FAHD1: variants seen among roughly 807,000 people sequenced by gnomAD.
FAHD1 encodes the protein oxaloacetate tautomerase FAHD1, mitochondrial.
FAHD1 carries 14 observed loss-of-function variants against 12.7 expected under a neutral mutation model. That is an observed-to-expected ratio of 1.10 (90% CI 0.73 to 1.72). The LOEUF is 1.72. Ranked by LOEUF, FAHD1 falls within the 40% of genes most tolerant of loss-of-function variation. FAHD1 has a pLI of 0.00. For missense variants in FAHD1, 351 were observed against 298.9 expected, an observed-to-expected ratio of 1.17 and a Z score of -1.29; for synonymous variants, 153 against 124.9, an observed-to-expected ratio of 1.22 and a Z score of -1.50.
intron 1 of FAHD1, among the ~76,000 whole-genome samples, chr16:1,834,657 G>T (rs1367939191): frequency 6.6e-6 from 1 of 152,258 alleles, no homozygotes; most frequent in Non-Finnish European, 1.5e-5. Context: ...CCGGGTGCTG[G>T]TGCAGTGGCT....
chr16:1,834,053 C>T lies in FAHD1; in HGVS notation c.628-3963C>T, dbSNP rs1488354047. 2.0e-5 allele frequency: 9 copies of T among 458,288 alleles called. No individual in the cohort carries two copies. The East Asian group carries it at 2.2e-4, about 11-fold the overall frequency. The allele number at this position is 458,288 out of a possible 1,614,324, so 28.4% of individuals were successfully genotyped here. On this transcript the variant is annotated intron_variant, in intron 1 of 2. Coordinates refer to the FAHD1 transcript ENST00000382666. Reference sequence around the variant, plus strand: ...AACTTGGGAGGAGACAAGGCAAAGACAGTAGGAGGCCTTCTAAGAAGGGAG... The same window carrying T: ...AACTTGGGAGGAGACAAGGCAAAGATAGTAGGAGGCCTTCTAAGAAGGGAG...
chr16:1,837,748 T>C (rs1404305021), intron 1 of FAHD1: 2 of 1,046,526 alleles, frequency 1.9e-6, no homozygotes, highest in Admixed American at 5.6e-5. Context: ...GAATAATAAA[T>C]ATATAGAATA....
chr16:1,834,253 G>A (rs373497793), intron 1 of FAHD1: 112 of 1,542,060 alleles, frequency 7.3e-5, no homozygotes, highest in Non-Finnish European at 8.3e-5. Context: ...ATGATAGACC[G>A]TTTTAAACAT....
intron 1 of FAHD1, chr16:1,837,664 A>G (rs59651420): frequency 0.18 from 94,457 of 534,596 alleles, 9,039 homozygotes; most frequent in South Asian, 0.27. Flanking sequence ...ATCCTTATGC[A>G]CATCTGGGAA....
downstream of FAHD1, among the ~76,000 whole-genome samples, chr16:1,830,116 G>A (rs1215606453): frequency 6.6e-6 from 1 of 152,228 alleles, no homozygotes; most frequent in Non-Finnish European, 1.5e-5. Flanking sequence ...ACCCGCCTGG[G>A]CGTCCCAAAG....
chr16:1,829,560 G>A (rs1898587124), downstream of FAHD1, among the ~76,000 whole-genome samples: 1 of 152,142 alleles, frequency 6.6e-6, no homozygotes, highest in South Asian at 2.1e-4. Flanking sequence ...AGACACTTAG[G>A]TATGCTGCAA....
exon 1 of FAHD1, chr16:1,827,670 G>A (rs760507332): frequency 1.2e-6 from 2 of 1,614,138 alleles, no homozygotes; most frequent in Non-Finnish European, 8.5e-7. Context: ...ACAAGCTGAA[G>A]CTCTGGCTCA....
At chr16:1,831,516 C>T (rs965137930), downstream of FAHD1, among the ~76,000 whole-genome samples, 2 of 152,164 alleles carry the variant, frequency 1.3e-5, no homozygotes, top group Non-Finnish European at 2.9e-5. Flanking sequence ...TTTTCTGACC[C>T]TCATAGAAGC....
At chr16:1,834,942 C>A (rs771078885) in intron 1 of FAHD1, among the ~76,000 whole-genome samples, 2 of 89,968 alleles carry the variant, frequency 2.2e-5, no homozygotes, top group Non-Finnish European at 4.6e-5. Context: ...TCCCCCCCAC[C>A]CCCCCCCACT....
exon 1 of FAHD1, chr16:1,827,556 G>A (rs1898512269): frequency 1.2e-6 from 2 of 1,613,430 alleles, no homozygotes; most frequent in East Asian, 2.2e-5. Flanking sequence ...GGGACGTGCA[G>A]GACGAGTGCA....
intron 2 of FAHD1, chr16:1,838,263 G>A (rs62038405): frequency 1.5e-5 from 6 of 411,838 alleles, no homozygotes; most frequent in African/African-American, 8.2e-5. Flanking sequence ...GCCTCCCAAA[G>A]TGGTAGGATT....
At chr16:1,828,333 C>T in exon 1 of FAHD1, 1 of 997,810 alleles carries the variant, frequency 1.0e-6, no homozygotes, top group Non-Finnish European at 1.2e-6. Flanking sequence ...TGCTATGCCT[C>T]AACTCATAGA....
exon 1 of FAHD1, chr16:1,828,298 C>T (rs1056091572): frequency 1.1e-6 from 1 of 913,258 alleles, no homozygotes; most frequent in African/African-American, 1.9e-5. Flanking sequence ...AAAAAAGAAA[C>T]CATTTATTTT....
At chr16:1,827,600 G>C (rs377760925) in exon 1 of FAHD1, 1 of 1,613,850 alleles carries the variant, frequency 6.2e-7, no homozygotes. Flanking sequence ...CTGGCGAAGA[G>C]CTTCACGGCG....
chr16:1,831,687 C>T (rs569672695), downstream of FAHD1, among the ~76,000 whole-genome samples: 6 of 152,238 alleles, frequency 3.9e-5, no homozygotes, highest in East Asian at 1.9e-4. Context: ...GCTACCAGCC[C>T]GTGGCCTGTT....
At chr16:1,832,552 G>A (rs533070937), downstream of FAHD1, among the ~76,000 whole-genome samples, 25 of 151,966 alleles carry the variant, frequency 1.6e-4, no homozygotes, top group African/African-American at 5.1e-4. Context: ...TTGGGAGGCC[G>A]AGGTGGGTGG....
downstream of FAHD1, among the ~76,000 whole-genome samples, chr16:1,831,987 T>C (rs1183909135): frequency 6.6e-6 from 1 of 151,994 alleles, no homozygotes; most frequent in Non-Finnish European, 1.5e-5. Flanking sequence ...CTCTACATCA[T>C]TGGCACTTGT....
exon 1 of FAHD1, chr16:1,827,911 T>A (rs1898533938): frequency 6.2e-7 from 1 of 1,609,078 alleles, no homozygotes; most frequent in Non-Finnish European, 8.5e-7. Context: ...TTGAGTTATT[T>A]CTTAACAAGT....
At chr16:1,833,662 A>T (rs1380179224), downstream of FAHD1, among the ~76,000 whole-genome samples, 1 of 150,736 alleles carries the variant, frequency 6.6e-6, no homozygotes, top group African/African-American at 2.5e-5. Context: ...CCCAGGTTCA[A>T]GAGATTCTCC....
Sources: gnomAD v4.1 joint callset for allele counts (sites outside exome capture counted in the v4.1 genomes callset) on GRCh38, gnomAD v4.1.1 for gene constraint, MANE v1.5 for transcripts, NCBI Gene and HGNC (gene_info 2026-07-23, HGNC 2026-07-21) for gene names.